The following CNTN5 variants were observed in gnomAD, a reference collection of about 807,000 sequenced individuals.
The protein encoded by CNTN5 is contactin-5.
In CNTN5, 77 loss-of-function variants were observed where a neutral mutation model predicts 129.1. The ratio of observed to expected loss-of-function variants is 0.60; its 90% CI spans 0.50 to 0.72. The LOEUF is 0.72. Among genes scored for constraint, CNTN5 ranks in the 30% least tolerant of loss-of-function variants. The pLI, the probability that CNTN5 is intolerant of heterozygous loss-of-function variation, is 0.00. For synonymous variants in CNTN5, 509 were observed against 465.6 expected, an observed-to-expected ratio of 1.09 and a Z score of -1.20; for missense variants, 1,478 against 1,328.8, an observed-to-expected ratio of 1.11 and a Z score of -1.75.
intron 20 of CNTN5, among the ~76,000 whole-genome samples, chr11:100,305,745 T>C (rs1334650256): frequency 6.6e-6 from 1 of 151,580 alleles, no homozygotes; most frequent in Non-Finnish European, 1.5e-5. Context: ...TGGGTATAAA[T>C]AGTACATACT....
rs188182073 is a variant in CNTN5, at chr11:99,849,066, C to T, written c.577+3804C>T. Among the ~76,000 whole-genome samples, 106 of 152,014 alleles carry T rather than the reference C, an allele frequency of 7.0e-4. No individual in the cohort carries two copies. The East Asian group carries it at 0.02, about 28-fold the overall frequency. ...TGTTTAATAAACGTAGGATGGGGCT[C>T]TCCTAATTATATTCATAAAAAAGGT... On this transcript the variant is annotated intron_variant, in intron 6 of 24. Coordinates refer to ENST00000524871, the MANE Select transcript of CNTN5 (RefSeq NM_014361.4).
At chr11:99,869,449 A>AT (rs1346124877) in intron 6 of CNTN5, among the ~76,000 whole-genome samples, 10 of 152,116 alleles carry the variant, frequency 6.6e-5, no homozygotes, top group African/African-American at 1.9e-4. Flanking sequence ...ACTTTTGTTT[A>AT]TTTTTATGAA....
rs184246898 is a variant in CNTN5 at position 99,857,665 on chromosome 11, A to G, written c.577+12403A>G. Among the ~76,000 whole-genome samples the G allele has an allele frequency of 9.2e-5, 14 of 152,276 alleles. No homozygotes were observed. In the East Asian group the frequency reaches 2.7e-3, roughly 29 times the overall value. On this transcript the variant is annotated intron_variant, in intron 6 of 24. Coordinates refer to ENST00000524871, the MANE Select transcript of CNTN5 (RefSeq NM_014361.4). ...CATAATTTTGCATACTATTGGTAAT[A>G]TCTTACATATCATATTCGATGTCTG...
At chr11:99,053,778 G>C (rs1864520749) in intron 1 of CNTN5, among the ~76,000 whole-genome samples, 1 of 151,966 alleles carries the variant, frequency 6.6e-6, no homozygotes, top group Non-Finnish European at 1.5e-5. Flanking sequence ...TTAGGCTTAA[G>C]TTGTGATTTG....
intron 4 of CNTN5, among the ~76,000 whole-genome samples, chr11:99,822,257 G>A (rs997262186): frequency 5.3e-5 from 8 of 152,024 alleles, no homozygotes; most frequent in East Asian, 1.9e-4. Context: ...TTCTACTTCC[G>A]GATATACAAC....
At chr11:99,639,270 C>T (rs1330494583) in intron 3 of CNTN5, among the ~76,000 whole-genome samples, 1 of 152,160 alleles carries the variant, frequency 6.6e-6, no homozygotes, top group Non-Finnish European at 1.5e-5. Flanking sequence ...AACACAGAGA[C>T]CCTGGGCCTG....
intron 1 of CNTN5, among the ~76,000 whole-genome samples, chr11:99,115,030 A>C (rs1456681804): frequency 1.3e-5 from 2 of 152,168 alleles, no homozygotes; most frequent in Non-Finnish European, 2.9e-5. Context: ...GTGAGGTTAC[A>C]CTGGAAAAGG....
intron 3 of CNTN5, among the ~76,000 whole-genome samples, chr11:99,742,951 G>C (rs953643294): frequency 6.6e-6 from 1 of 152,132 alleles, no homozygotes; most frequent in African/African-American, 2.4e-5. Flanking sequence ...TCTCACAGAG[G>C]ACTTTACCTA....
chr11:99,694,856 C>T (rs1198818849), intron 3 of CNTN5, among the ~76,000 whole-genome samples: 1 of 152,098 alleles, frequency 6.6e-6, no homozygotes, highest in Non-Finnish European at 1.5e-5. Flanking sequence ...CTCACATGAA[C>T]TGCGTCTCAA....
chr11:100,248,351 A>T (rs1223519851), intron 16 of CNTN5, among the ~76,000 whole-genome samples: 1 of 151,968 alleles, frequency 6.6e-6, no homozygotes, highest in African/African-American at 2.4e-5. Flanking sequence ...TTGAGACCAC[A>T]CTGGTTAACA....
At chr11:99,361,980 C>T (rs964599787) in intron 2 of CNTN5, among the ~76,000 whole-genome samples, 4 of 152,038 alleles carry the variant, frequency 2.6e-5, no homozygotes, top group Non-Finnish European at 5.9e-5. Context: ...TGTGCTTCTG[C>T]TTTTAATGAA....
chr11:100,151,645 C>A (rs968970116), intron 13 of CNTN5, among the ~76,000 whole-genome samples: 3 of 152,116 alleles, frequency 2.0e-5, no homozygotes, highest in Non-Finnish European at 4.4e-5. Context: ...TATTGTCATA[C>A]CAGGTCCTTA....
At chr11:100,103,612 G>T (rs1945305187) in intron 13 of CNTN5, among the ~76,000 whole-genome samples, 1 of 152,140 alleles carries the variant, frequency 6.6e-6, no homozygotes, top group Non-Finnish European at 1.5e-5. Flanking sequence ...GCATGTGTCA[G>T]CTGTGAACCC....
intron 12 of CNTN5, 77 bp downstream of exon 12, chr11:100,071,911 G>C: frequency 8.0e-7 from 1 of 1,248,948 alleles, no homozygotes; most frequent in African/African-American, 1.5e-5. Flanking sequence ...CTATACTGAA[G>C]GTTTATGATG....
chr11:99,422,548 ATATATATATATATC>A (rs1258433602), intron 2 of CNTN5, among the ~76,000 whole-genome samples: 1 of 105,944 alleles, frequency 9.4e-6, no homozygotes, highest in East Asian at 3.8e-4. Context: ...ATATATATAT[ATATATATATATATC>A]TGTATTTTAA....
chr11:99,206,513 A>G (rs1433015243), intron 1 of CNTN5, among the ~76,000 whole-genome samples: 1 of 152,142 alleles, frequency 6.6e-6, no homozygotes, highest in Non-Finnish European at 1.5e-5. Flanking sequence ...GATCGAATTC[A>G]TCAATAAATT....
At chr11:100,188,877 A>G (rs1188902489) in intron 13 of CNTN5, among the ~76,000 whole-genome samples, 1 of 152,194 alleles carries the variant, frequency 6.6e-6, no homozygotes, top group African/African-American at 2.4e-5. Flanking sequence ...GTACATACAC[A>G]CTGTGGAATA....
chr11:99,244,442 G>A (rs1194886318), intron 1 of CNTN5, among the ~76,000 whole-genome samples: 1 of 152,076 alleles, frequency 6.6e-6, no homozygotes, highest in African/African-American at 2.4e-5. Context: ...TAGAAAATTG[G>A]TTTGGAATAA....
intron 21 of CNTN5, chr11:100,308,700 A>T: frequency 2.7e-6 from 3 of 1,114,362 alleles, no homozygotes; most frequent in Non-Finnish European, 2.2e-6. Context: ...TTTTTAAAAG[A>T]TGAAATAGAG....
Sources: allele counts gnomAD v4.1 joint callset (sites outside exome capture counted in the v4.1 genomes callset), GRCh38; gene constraint gnomAD v4.1.1; transcripts MANE v1.5; gene names NCBI Gene and HGNC (gene_info 2026-07-23, HGNC 2026-07-21).